Variants in DYM observed in about 807,000 individuals in gnomAD.
The protein encoded by DYM is dyggve-Melchior-Clausen syndrome protein.
In DYM, 78 loss-of-function variants were observed where a neutral mutation model predicts 93.1. The ratio of observed to expected loss-of-function variants is 0.84; its 90% confidence interval spans 0.70 to 1.01. The LOEUF (loss-of-function observed/expected upper bound fraction) is 1.01, where lower values mean the gene tolerates loss of function less well. DYM is among the 50% of genes least tolerant of loss of function. DYM has a pLI of 0.00. For missense variants in DYM, 789 were observed against 845.0 expected (o/e 0.93, Z 0.82); for synonymous variants, 321 against 319.7 (o/e 1.00, Z -0.04).
chr18:49,301,880 G>A (rs1361165754), intron 8 of DYM, among the ~76,000 whole-genome samples: 2 of 152,196 alleles, frequency 1.3e-5, no homozygotes, highest in Non-Finnish European at 2.9e-5. Context: ...TATTCTGAGA[G>A]AAGAGTGCAG....
At chr18:49,267,895 T>TCCAA (rs558167586) in intron 11 of DYM, among the ~76,000 whole-genome samples, 1 of 149,590 alleles carries the variant, frequency 6.7e-6, no homozygotes, top group Non-Finnish European at 1.5e-5. Context: ...AGACTGTGTC[T>TCCAA]CAAACAAACA....
chr18:49,229,944 A>G (rs1231013170), intron 13 of DYM, among the ~76,000 whole-genome samples: 2 of 152,182 alleles, frequency 1.3e-5, no homozygotes, highest in Non-Finnish European at 2.9e-5. Context: ...AACGAATGAT[A>G]CACACAAGAA....
chr18:49,059,408 T>G (rs2075765822), intron 17 of DYM, among the ~76,000 whole-genome samples: 2 of 152,192 alleles, frequency 1.3e-5, no homozygotes, highest in Admixed American at 1.3e-4. Context: ...CACCCATGCA[T>G]CCTTCTTTCC....
intron 16 of DYM, among the ~76,000 whole-genome samples, chr18:49,107,096 T>C (rs1339024363): frequency 6.6e-6 from 1 of 152,182 alleles, no homozygotes; most frequent in Non-Finnish European, 1.5e-5. Flanking sequence ...TTGGAGGCTT[T>C]GTTCATTTCT....
chr18:49,356,867 A>C (rs2065615405), intron 6 of DYM, among the ~76,000 whole-genome samples: 1 of 152,244 alleles, frequency 6.6e-6, no homozygotes, highest in Non-Finnish European at 1.5e-5. Context: ...TTTTATAAAT[A>C]AGATTCTCAG....
chr18:49,214,958 CAGA>C (rs1396197939), intron 13 of DYM, among the ~76,000 whole-genome samples: 2 of 152,176 alleles, frequency 1.3e-5, no homozygotes, highest in African/African-American at 4.8e-5. Context: ...GATCTATCCA[CAGA>C]AGAATATCTA....
chr18:49,237,970 G>A (rs1400842453), intron 13 of DYM, among the ~76,000 whole-genome samples: 2 of 150,914 alleles, frequency 1.3e-5, no homozygotes, highest in East Asian at 3.9e-4. Flanking sequence ...CTCTGTTGGT[G>A]GATATTTGAG....
intron 14 of DYM, among the ~76,000 whole-genome samples, chr18:49,197,779 C>T (rs2091608298): frequency 1.3e-5 from 2 of 152,070 alleles, no homozygotes; most frequent in South Asian, 4.1e-4. Flanking sequence ...TAGGAAGAAT[C>T]AATATCATGA....
At chr18:49,200,019 T>C (rs1027118104) in intron 14 of DYM, among the ~76,000 whole-genome samples, 1 of 152,100 alleles carries the variant, frequency 6.6e-6, no homozygotes, top group African/African-American at 2.4e-5. Context: ...AGCAAATCTA[T>C]GAAAGTTCTA....
At chr18:49,066,051 A>C (rs1437219840) in intron 17 of DYM, among the ~76,000 whole-genome samples, 2 of 152,140 alleles carry the variant, frequency 1.3e-5, no homozygotes, top group Admixed American at 1.3e-4. Context: ...TTTGTGAAAT[A>C]TAATATGCAT....
intron 15 of DYM, among the ~76,000 whole-genome samples, chr18:49,142,908 A>G (rs140662665): frequency 1.3e-5 from 2 of 152,344 alleles, no homozygotes; most frequent in East Asian, 1.9e-4. Context: ...GAGAAAATAG[A>G]TACCATTTAA....
chr18:49,136,568 C>A (rs940674128), intron 15 of DYM, among the ~76,000 whole-genome samples: 2 of 152,074 alleles, frequency 1.3e-5, no homozygotes, highest in African/African-American at 4.8e-5. Context: ...TGTCATTTTG[C>A]TATATGGTGT....
At chr18:49,078,567 T>C (rs1242521349) in intron 17 of DYM, among the ~76,000 whole-genome samples, 1 of 152,198 alleles carries the variant, frequency 6.6e-6, no homozygotes, top group Non-Finnish European at 1.5e-5. Flanking sequence ...CTTTCCCTTC[T>C]GGGATTCTTC....
rs189864023 is a variant in DYM at position 49,316,184 on chromosome 18, T to C, written c.763+15680A>G. Among the ~76,000 whole-genome samples the C allele has an allele frequency of 5.0e-3, 764 of 151,976 alleles. 14 individuals carry two copies. Among genetic ancestry groups the C allele is most frequent in the African/African-American group, 0.018 (734 of 41,442 alleles). ...GTAATCCCAGCTACTCGGGAGGCTG[T>C]GACAGGAGAATCGCTTGAACCTGGG... On this transcript the variant is annotated intron_variant, in intron 8 of 17. Transcript: ENST00000675505.
intron 17 of DYM, among the ~76,000 whole-genome samples, chr18:49,080,642 ACC>A: frequency 9.0e-6 from 1 of 111,302 alleles, no homozygotes; most frequent in Non-Finnish European, 1.8e-5. Flanking sequence ...CGGGGGGCTG[ACC>A]CCCCCCACCT....
intron 1 of DYM, among the ~76,000 whole-genome samples, chr18:49,438,554 C>T (rs1490316522): frequency 1.3e-5 from 2 of 152,032 alleles, no homozygotes; most frequent in Admixed American, 6.6e-5. Flanking sequence ...AACAGGAACT[C>T]CGGCACAAAA....
intron 13 of DYM, among the ~76,000 whole-genome samples, chr18:49,235,012 A>T (rs1169092306): frequency 2.6e-5 from 4 of 152,176 alleles, no homozygotes; most frequent in African/African-American, 9.7e-5. Flanking sequence ...CAACAACCTT[A>T]ATGAGCCTAG....
At position 49,044,012 on chromosome 18, in the gene DYM, G is replaced by A. The variant is rs368506028; in HGVS notation, c.*43C>T. The A allele has an allele frequency of 2.7e-5, 43 of 1,610,436 alleles. No homozygotes were observed. The African/African-American group carries it at 5.0e-4, about 19-fold the overall frequency. ...TACCCAGAAATAAAAGAACTTGAAGGGCTGCTTGGCTGGAGGGGTCCGGGT... is the reference window on the plus strand; with the variant it reads ...TACCCAGAAATAAAAGAACTTGAAGAGCTGCTTGGCTGGAGGGGTCCGGGT... On this transcript the variant is annotated 3_prime_UTR_variant, in exon 18 of 18. Transcript: ENST00000675505.
intron 5 of DYM, among the ~76,000 whole-genome samples, chr18:49,372,598 A>C (rs2067145152): frequency 6.6e-6 from 1 of 152,146 alleles, no homozygotes; most frequent in Non-Finnish European, 1.5e-5. Context: ...TACAAAAATT[A>C]GCCAGGCATG....
Sources: allele counts gnomAD v4.1 joint callset (sites outside exome capture counted in the v4.1 genomes callset), GRCh38; gene constraint gnomAD v4.1.1; transcripts MANE v1.5; gene names NCBI Gene and HGNC (gene_info 2026-07-23, HGNC 2026-07-21).